The following NCALD variants were observed in gnomAD, a reference collection of about 807,000 sequenced individuals.
NCALD encodes neurocalcin delta, also known as neurocalcin-delta.
A neutral mutation model predicts 18.6 loss-of-function variants in NCALD; 10 were observed. The ratio of observed to expected loss-of-function variants is 0.54; its 90% CI spans 0.33 to 0.91. The LOEUF (loss-of-function observed/expected upper bound fraction) is 0.91. Among genes scored for constraint, NCALD ranks in the 40% least tolerant of loss-of-function variants. The pLI, the probability that NCALD is intolerant of heterozygous loss-of-function variation, is 0.03. For synonymous variants in NCALD, 88 were observed against 87.4 expected (o/e 1.01, Z -0.04); for missense variants, 184 against 247.6 (o/e 0.74, Z 1.72).
intron 1 of NCALD, among the ~76,000 whole-genome samples, chr8:101,726,109 T>A (rs930000686): frequency 6.6e-6 from 1 of 152,156 alleles, no homozygotes; most frequent in Admixed American, 6.6e-5. Context: ...ATCCAGGATG[T>A]GGCTGGAGTG....
intron 2 of NCALD, among the ~76,000 whole-genome samples, chr8:101,963,259 CATT>C (rs1300580013): frequency 5.9e-5 from 9 of 152,196 alleles, no homozygotes; most frequent in Admixed American, 5.2e-4. Flanking sequence ...ACATGATTTT[CATT>C]ATGCCATACC....
At chr8:101,929,292 G>T (rs1818457016) in intron 2 of NCALD, among the ~76,000 whole-genome samples, 1 of 50,512 alleles carries the variant, frequency 2.0e-5, no homozygotes, top group Non-Finnish European at 3.9e-5. Context: ...AGGGAGGGAG[G>T]GAGGGAGGAA....
At chr8:102,000,767 G>A (rs1396413219) in intron 2 of NCALD, among the ~76,000 whole-genome samples, 4 of 152,182 alleles carry the variant, frequency 2.6e-5, no homozygotes, top group African/African-American at 4.8e-5. Flanking sequence ...GGCAAACAGG[G>A]TCTGGAGTGG....
chr8:101,960,387 C>T (rs185208988), intron 2 of NCALD, among the ~76,000 whole-genome samples: 4 of 152,200 alleles, frequency 2.6e-5, no homozygotes, highest in East Asian at 1.9e-4. Flanking sequence ...ACACTGCCCC[C>T]AACCCATTTT....
At chr8:102,075,674 G>C (rs1290860340) in intron 1 of NCALD, among the ~76,000 whole-genome samples, 1 of 152,092 alleles carries the variant, frequency 6.6e-6, no homozygotes, top group Non-Finnish European at 1.5e-5. Context: ...TTCCACGTTG[G>C]CTAGGTGCGG....
At chr8:101,791,288 C>A (rs1166065993), upstream of NCALD, among the ~76,000 whole-genome samples, 1 of 152,112 alleles carries the variant, frequency 6.6e-6, no homozygotes, top group Non-Finnish European at 1.5e-5. Context: ...ATATATGCCA[C>A]CCTGAAGTTC....
chr8:101,965,408 T>C (rs940411092), intron 2 of NCALD, among the ~76,000 whole-genome samples: 10 of 152,172 alleles, frequency 6.6e-5, no homozygotes, highest in Admixed American at 1.3e-4. Flanking sequence ...ATGTGGCACA[T>C]ATATACCATG....
chr8:101,843,446 G>GCACA lies in NCALD; in HGVS notation c.-20+43691_-20+43694dup, dbSNP rs148295172. Among the ~76,000 whole-genome samples, 326 of 149,720 alleles carry GCACA rather than the reference G, an allele frequency of 2.2e-3. 1 individual carries two copies. The highest frequency in any genetic ancestry group is 5.1e-3 in the Admixed American group (77 of 14,984). Reference sequence around the variant, plus strand: ...TGAGTATGTGCATGTACATGTGCATGCACACACACACACACACACAACTAA... The same window carrying GCACA: ...TGAGTATGTGCATGTACATGTGCATGCACACACACACACACACACACACAACTAA... On this transcript the variant is annotated intron_variant, in intron 4 of 6. Transcript: ENST00000311028.
At chr8:101,698,272 G>A (rs935041526) in intron 2 of NCALD, among the ~76,000 whole-genome samples, 2 of 152,152 alleles carry the variant, frequency 1.3e-5, no homozygotes, top group African/African-American at 4.8e-5. Context: ...CACTGCTCAA[G>A]TAAATAAGAG....
chr8:102,003,266 A>T (rs1821551265), intron 2 of NCALD, among the ~76,000 whole-genome samples: 1 of 152,242 alleles, frequency 6.6e-6, no homozygotes, highest in African/African-American at 2.4e-5. Context: ...ATGCAAATAA[A>T]CTAGAAAATC....
intron 1 of NCALD, among the ~76,000 whole-genome samples, chr8:102,085,568 A>T (rs1824709003): frequency 6.7e-6 from 1 of 149,136 alleles, no homozygotes; most frequent in South Asian, 2.1e-4. Context: ...CAGCCTGGCC[A>T]CCATGGTGAA....
At chr8:102,000,718 C>A (rs1821423089) in intron 2 of NCALD, among the ~76,000 whole-genome samples, 1 of 152,180 alleles carries the variant, frequency 6.6e-6, no homozygotes, top group Non-Finnish European at 1.5e-5. Context: ...TGCTGTTCAC[C>A]AATATCTGCT....
intron 2 of NCALD, among the ~76,000 whole-genome samples, chr8:101,917,667 A>G (rs1351450258): frequency 1.3e-5 from 2 of 152,156 alleles, no homozygotes; most frequent in East Asian, 3.8e-4. Flanking sequence ...ACAGAAATAC[A>G]AAAGATCCTC....
At chr8:102,032,365 A>G (rs893931270) in intron 1 of NCALD, among the ~76,000 whole-genome samples, 2 of 152,134 alleles carry the variant, frequency 1.3e-5, no homozygotes, top group Non-Finnish European at 2.9e-5. Context: ...AGACTTGGAT[A>G]TGTTTTGCAT....
intron 4 of NCALD, among the ~76,000 whole-genome samples, chr8:101,825,224 C>T (rs146363547): frequency 3.8e-4 from 58 of 152,342 alleles, no homozygotes; most frequent in Admixed American, 5.9e-4. Context: ...TCGCAGTTAA[C>T]ATAGTATACA....
intron 1 of NCALD, among the ~76,000 whole-genome samples, chr8:101,764,859 C>G (rs750892356): frequency 7.2e-5 from 11 of 152,146 alleles, no homozygotes; most frequent in Non-Finnish European, 1.6e-4. Context: ...AAACCACAGT[C>G]AGAAAGTGGC....
intron 4 of NCALD, among the ~76,000 whole-genome samples, chr8:101,859,116 A>G (rs1387728877): frequency 2.0e-5 from 3 of 152,194 alleles, no homozygotes; most frequent in Non-Finnish European, 2.9e-5. Context: ...ATCAGCTGCC[A>G]GCATGGCTAG....
chr8:101,925,254 G>C (rs575379748), intron 2 of NCALD, among the ~76,000 whole-genome samples: 2 of 152,206 alleles, frequency 1.3e-5, no homozygotes, highest in South Asian at 4.2e-4. Context: ...CTCACATGCA[G>C]AAAAATACAG....
intron 1 of NCALD, among the ~76,000 whole-genome samples, chr8:102,114,680 T>A (rs771278116): frequency 1.3e-5 from 2 of 152,162 alleles, no homozygotes; most frequent in Non-Finnish European, 2.9e-5. Flanking sequence ...ATACCCTACC[T>A]CACTCTCCTC....
Sources: gnomAD v4.1 joint callset for allele counts (sites outside exome capture counted in the v4.1 genomes callset) on GRCh38, gnomAD v4.1.1 for gene constraint, MANE v1.5 for transcripts, NCBI Gene and HGNC (gene_info 2026-07-23, HGNC 2026-07-21) for gene names.